CDV3: variants seen among roughly 807,000 people sequenced by gnomAD.
CDV3 encodes the protein protein CDV3 homolog.
A neutral mutation model predicts 24.5 loss-of-function variants in CDV3; 14 were observed. The observed-to-expected ratio is 0.57, with a 90% CI of 0.38 to 0.89. The LOEUF (loss-of-function observed/expected upper bound fraction) is 0.89. Among genes scored for constraint, CDV3 ranks in the 40% least tolerant of loss-of-function variants. CDV3 has a pLI of 0.00. For synonymous variants in CDV3, 114 were observed against 114.1 expected (o/e 1.00, Z 0.00); for missense variants, 304 against 310.2 (o/e 0.98, Z 0.15).
At chr3:133,582,279 C>T (rs140893367) in intron 2 of CDV3, among the ~76,000 whole-genome samples, 32 of 152,328 alleles carry the variant, frequency 2.1e-4, no homozygotes, top group African/African-American at 6.7e-4. Context: ...GCCTCAGCCT[C>T]CCAAGTAGCT....
intron 2 of CDV3, among the ~76,000 whole-genome samples, chr3:133,577,768 G>A (rs779992761): frequency 5.3e-5 from 8 of 152,162 alleles, no homozygotes; most frequent in African/African-American, 9.7e-5. Context: ...AGCAGCAAAC[G>A]TATTATATAT....
Position 133,590,094 on chromosome 3 carries a change from T to C in CDV3, c.*2048T>C, listed in dbSNP as rs1365542537. On this transcript the variant is annotated 3_prime_UTR_variant, in exon 5 of 5. Coordinates refer to ENST00000264993, the MANE Select transcript of CDV3 (RefSeq NM_017548.5). ...TAAATTACAACTCTTGTTATAACTT[T>C]TTAAAAGATTGTGAAAATATCAAAA... The C allele has an allele frequency of 1.3e-5, 2 of 152,210 alleles. No homozygotes were observed. Among genetic ancestry groups the C allele is most frequent in the African/African-American group, 4.8e-5 (2 of 41,450 alleles). 9.4% of individuals were successfully genotyped at this position (152,210 alleles called of 1,614,324 possible).
intron 2 of CDV3, among the ~76,000 whole-genome samples, chr3:133,581,479 G>A (rs769702778): frequency 1.3e-5 from 2 of 152,152 alleles, no homozygotes; most frequent in Non-Finnish European, 2.9e-5. Flanking sequence ...AAATGTAGAA[G>A]CATAAAGAAA....
At chr3:133,582,919 A>G (rs1163372145) in intron 2 of CDV3, among the ~76,000 whole-genome samples, 1 of 152,236 alleles carries the variant, frequency 6.6e-6, no homozygotes, top group South Asian at 2.1e-4. Flanking sequence ...TTGTCAAGAG[A>G]CAAAAGATAA....
In CDV3 at chr3:133,573,971, C is replaced by A. The variant is rs1434736104; in HGVS notation, c.-74C>A. On this transcript the variant is annotated 5_prime_UTR_variant, in exon 1 of 5. Transcript: ENST00000264993. ...GGCAGCGTGAGCGCAGAGCCGGCCT[C>A]GACCCCGAGCTCGGAGCCCCGCGGG... 5.0e-6 allele frequency: 5 copies of A among 1,001,564 alleles called. No individual in the cohort carries two copies. Among genetic ancestry groups the A allele is most frequent in the African/African-American group, 1.8e-5 (1 of 57,060 alleles). 62.0% of individuals were successfully genotyped at this position (1,001,564 alleles called of 1,614,324 possible).
intron 1 of CDV3, 79 bp from the exon 2 acceptor site, chr3:133,574,959 TC>T: frequency 4.3e-6 from 4 of 921,126 alleles, no homozygotes; most frequent in South Asian, 1.4e-5. Flanking sequence ...AGCCACTTGA[TC>T]CACTTTTCGT....
Position 133,588,946 on chromosome 3 carries a change from G to T in CDV3, c.*900G>T, listed in dbSNP as rs2107750643. On this transcript the variant is annotated 3_prime_UTR_variant, in exon 5 of 5. Transcript: ENST00000264993. ...TTAAGTAACCTAAAGTATGCATTAG[G>T]ATTGTGAAATGTCTCGTGAGTATGC... The T allele has an allele frequency of 6.5e-6, 1 of 152,902 alleles. No homozygotes were observed. Among genetic ancestry groups the T allele is most frequent in the African/African-American group, 2.4e-5 (1 of 41,536 alleles). 9.5% of individuals were successfully genotyped at this position (152,902 alleles called of 1,614,324 possible).
intron 3 of CDV3, among the ~76,000 whole-genome samples, chr3:133,585,401 T>C (rs1303144233): frequency 1.3e-5 from 2 of 152,230 alleles, no homozygotes; most frequent in African/African-American, 4.8e-5. Flanking sequence ...AGACAGAGTC[T>C]GGCTCCTGAC....
At chr3:133,575,267 A>C (rs2074762788) in intron 2 of CDV3, 152 bp downstream of exon 2, 1 of 526,902 alleles carries the variant, frequency 1.9e-6, no homozygotes, top group Admixed American at 3.6e-5. Flanking sequence ...ACTCTTTCTC[A>C]CTCCATGGAG....
At chr3:133,580,190 A>C (rs868331139) in intron 2 of CDV3, among the ~76,000 whole-genome samples, 1 of 150,074 alleles carries the variant, frequency 6.7e-6, no homozygotes, top group Non-Finnish European at 1.5e-5. Context: ...CTCATTGTTC[A>C]ACTCCCACTT....
chr3:133,588,183 T>C lies in CDV3; in HGVS notation c.*137T>C. 6.5e-7 allele frequency: 1 copy of C among 1,536,276 alleles called. No individual in the cohort carries two copies. The highest frequency in any genetic ancestry group is 8.8e-7 in the Non-Finnish European group (1 of 1,141,966). ...GATTTCATGACCGGCCCTATTGCACTATGGAAGTTAAAGTGTCACGACTGC... is the reference window on the plus strand; with the variant it reads ...GATTTCATGACCGGCCCTATTGCACCATGGAAGTTAAAGTGTCACGACTGC... On this transcript the variant is annotated 3_prime_UTR_variant, in exon 5 of 5. Transcript: ENST00000264993.
chr3:133,582,896 G>GTCA (rs1243578171), intron 2 of CDV3, among the ~76,000 whole-genome samples: 13 of 152,206 alleles, frequency 8.5e-5, no homozygotes, highest in Admixed American at 7.2e-4. Flanking sequence ...TATCCCTGTT[G>GTCA]TCAGTATCCC....
At chr3:133,576,841 C>CTTGTTTTTTTTTTTT (rs2074827156) in intron 2 of CDV3, among the ~76,000 whole-genome samples, 1 of 62,388 alleles carries the variant, frequency 1.6e-5, no homozygotes, top group Non-Finnish European at 2.8e-5. Flanking sequence ...GGTAGACTAG[C>CTTGTTTTTTTTTTTT]TTTTTTTTTT....
At chr3:133,583,446 C>T (rs1012644098) in intron 2 of CDV3, among the ~76,000 whole-genome samples, 5 of 152,228 alleles carry the variant, frequency 3.3e-5, no homozygotes, top group African/African-American at 4.8e-5. Flanking sequence ...CTCTGCATTT[C>T]AGGTTGTATC....
intron 4 of CDV3, 85 bp from the exon 5 acceptor site, chr3:133,587,811 G>A: frequency 4.6e-6 from 7 of 1,514,016 alleles, no homozygotes; most frequent in Non-Finnish European, 6.2e-6. Flanking sequence ...TCTAAGGGGT[G>A]GCTTTTTTTT....
intron 2 of CDV3, among the ~76,000 whole-genome samples, chr3:133,580,213 A>G (rs544615597): frequency 6.6e-6 from 1 of 151,848 alleles, no homozygotes; most frequent in South Asian, 2.1e-4. Flanking sequence ...GAGTGAGAAC[A>G]TGCAGTGTTT....
intron 2 of CDV3, among the ~76,000 whole-genome samples, chr3:133,576,643 CAG>C (rs1249023634): frequency 6.6e-5 from 10 of 152,120 alleles, no homozygotes; most frequent in African/African-American, 2.4e-4. Flanking sequence ...ATTATTTAAA[CAG>C]AACCTGTGTT....
At chr3:133,576,841 C>CTTTTTTTTTTGTTTTTTTTTTTTTTT (rs2074828518) in intron 2 of CDV3, among the ~76,000 whole-genome samples, 1 of 62,388 alleles carries the variant, frequency 1.6e-5, no homozygotes. Flanking sequence ...GGTAGACTAG[C>CTTTTTTTTTTGTTTTTTTTTTTTTTT]TTTTTTTTTT....
At chr3:133,586,388 G>GCCCA (rs943829878) in intron 3 of CDV3, among the ~76,000 whole-genome samples, 175 bp from the exon 4 acceptor site, 27 of 152,150 alleles carry the variant, frequency 1.8e-4, no homozygotes, top group African/African-American at 6.0e-4. Context: ...GAGCCACCAC[G>GCCCA]CCCAGCCTGT....
Sources: allele counts gnomAD v4.1 joint callset (sites outside exome capture counted in the v4.1 genomes callset), GRCh38; gene constraint gnomAD v4.1.1; transcripts MANE v1.5; gene names NCBI Gene and HGNC (gene_info 2026-07-23, HGNC 2026-07-21).